The following NGLY1 variants were observed in gnomAD, a reference collection of about 807,000 sequenced individuals.
NGLY1 encodes N-glycanase 1.
A neutral mutation model predicts 84.6 loss-of-function variants in NGLY1; 68 were observed. The ratio of observed to expected loss-of-function variants is 0.80; its 90% CI spans 0.66 to 0.98. The LOEUF (loss-of-function observed/expected upper bound fraction) is 0.98. Ranked by LOEUF, NGLY1 falls within the 50% of genes least tolerant of loss-of-function variation. NGLY1 has a pLI of 0.00. For synonymous variants in NGLY1, 280 were observed against 275.2 expected (o/e 1.02, Z -0.17); for missense variants, 779 against 770.2 (o/e 1.01, Z -0.14).
At chr3:25,725,658 G>A (rs1488471491) in intron 10 of NGLY1, among the ~76,000 whole-genome samples, 1 of 152,124 alleles carries the variant, frequency 6.6e-6, no homozygotes, top group East Asian at 1.9e-4. Flanking sequence ...AGCTGGTTCT[G>A]CTGCAGAATT....
At chr3:25,780,262 C>T (rs2968177) in intron 1 of NGLY1, among the ~76,000 whole-genome samples, 99,743 of 152,208 alleles carry the variant, frequency 0.66, 38,782 homozygotes, top group East Asian at 0.94. Context: ...TCCTTGTGCA[C>T]TGCAGAACAT....
At chr3:25,760,567 A>T (rs1210629558) in intron 3 of NGLY1, among the ~76,000 whole-genome samples, 1 of 152,208 alleles carries the variant, frequency 6.6e-6, no homozygotes, top group Non-Finnish European at 1.5e-5. Flanking sequence ...TCTCTTACAA[A>T]GCTAGCACAC....
rs1228001844 is a variant in NGLY1, at chr3:25,735,022, C to A, written c.1149+982G>T. The A allele has an allele frequency of 9.8e-5, 26 of 264,240 alleles. 1 individual carries two copies. The Admixed American group carries it at 1.7e-3, about 17-fold the overall frequency. 16.4% of individuals were successfully genotyped at this position (264,240 alleles called of 1,614,324 possible). Reference sequence around the variant, plus strand: ...AAATGGTGCTAGAACAATTCATTATCCATATGTAAAAAAAAACTTCATACA... The same window carrying A: ...AAATGGTGCTAGAACAATTCATTATACATATGTAAAAAAAAACTTCATACA... On this transcript the variant is annotated intron_variant, in intron 7 of 11. Coordinates refer to ENST00000280700, the MANE Select transcript of NGLY1 (RefSeq NM_018297.4).
intron 1 of NGLY1, among the ~76,000 whole-genome samples, chr3:25,781,124 ATTTT>A (rs1575669134): frequency 6.6e-6 from 1 of 151,800 alleles, no homozygotes; most frequent in Non-Finnish European, 1.5e-5. Context: ...TAATTTTTTA[ATTTT>A]TTTGTAGAGA....
chr3:25,728,397 A>G (rs11925832), intron 10 of NGLY1, among the ~76,000 whole-genome samples: 5,753 of 152,182 alleles, frequency 0.038, 367 homozygotes, highest in African/African-American at 0.13. Context: ...TTAACTTTAA[A>G]AGCTTCCTAT....
intron 3 of NGLY1, chr3:25,755,699 GA>G: frequency 7.3e-7 from 1 of 1,368,810 alleles, no homozygotes; most frequent in Non-Finnish European, 1.0e-6. Context: ...GTCTAGTCTA[GA>G]TGCATTTCAA....
chr3:25,783,744 C>T (rs1708536988), upstream of NGLY1, among the ~76,000 whole-genome samples: 1 of 151,988 alleles, frequency 6.6e-6, no homozygotes, highest in Non-Finnish European at 1.5e-5. This position sits in a 1 kb window ranked among gnomAD's most constrained non-coding sequence, Gnocchi z 4.5. Flanking sequence ...CGAGGTGCTT[C>T]GACCCAGAGT....
intron 4 of NGLY1, chr3:25,749,802 C>T (rs1252066524): frequency 7.8e-7 from 1 of 1,284,856 alleles, no homozygotes; most frequent in African/African-American, 1.4e-5. Context: ...AATGTTTCCT[C>T]CAAGAACTGC....
chr3:25,778,608 G>C lies in NGLY1; in HGVS notation c.212C>G (p.Ala71Gly). 6.2e-7 allele frequency: 1 copy of C among 1,610,774 alleles called. No homozygotes were observed. Among genetic ancestry groups the C allele is most frequent in the Non-Finnish European group, 8.5e-7 (1 of 1,178,188 alleles). ...GCCCATTTCAAATAAACATTCAACA[G>C]CTCCTCTGACAGGCAAGAGTCTAGT... ...FSTRLLPVRG[A>G]VECLFEMGFE... is the part of the protein sequence containing the mutation. Residue 71 changes from alanine (A) to glycine (G), a missense_variant, in exon 2 of 12, where the codon GCT becomes GGT. Transcript: ENST00000280700.
chr3:25,786,390 C>A (rs565494861), upstream of NGLY1, among the ~76,000 whole-genome samples: 13 of 149,452 alleles, frequency 8.7e-5, no homozygotes, highest in East Asian at 2.5e-3. Flanking sequence ...AAGGTGAAAT[C>A]CTGGGGAAAA....
intron 4 of NGLY1, chr3:25,749,766 A>C (rs754780879): frequency 1.3e-5 from 19 of 1,442,264 alleles, no homozygotes; most frequent in Non-Finnish European, 1.8e-5. Flanking sequence ...ATGTGCAACA[A>C]AACTTACTGT....
intron 9 of NGLY1, chr3:25,730,266 A>C (rs1705476148): frequency 1.3e-5 from 2 of 152,122 alleles, no homozygotes; most frequent in Admixed American, 6.6e-5. Context: ...ATTGATTGCA[A>C]GATTAATTCC....
intron 3 of NGLY1, among the ~76,000 whole-genome samples, chr3:25,757,338 A>G (rs1459842881): frequency 2.0e-5 from 3 of 152,216 alleles, no homozygotes; most frequent in African/African-American, 4.8e-5. Flanking sequence ...TCCATCATTC[A>G]CCAACTGTGT....
chr3:25,749,872 G>A lies in NGLY1; in HGVS notation c.658+1226C>T. ...TCAGAGTCACCAACCCCAATGCCAG[G>A]CTGCACAGCGAAGAAAATGAGTAGA... On this transcript the variant is annotated intron_variant, in intron 4 of 11. Transcript: ENST00000280700. 7 of 893,366 alleles carry A rather than the reference G, an allele frequency of 7.8e-6. No homozygotes were observed. In the South Asian group the frequency reaches 9.2e-5, roughly 12 times the overall value. 55.3% of individuals were successfully genotyped at this position (893,366 alleles called of 1,614,324 possible). A position where few individuals can be genotyped will look rare whatever the true frequency, so the allele number is the denominator to read the frequency against.
chr3:25,779,173 G>A (rs1307960823), intron 1 of NGLY1, among the ~76,000 whole-genome samples: 1 of 151,980 alleles, frequency 6.6e-6, no homozygotes, highest in Admixed American at 6.5e-5. Context: ...TCGACCTCAG[G>A]TGATCCACCC....
intron 2 of NGLY1, among the ~76,000 whole-genome samples, chr3:25,770,170 GAC>G (rs1354284556): frequency 6.6e-6 from 1 of 151,826 alleles, no homozygotes; most frequent in Non-Finnish European, 1.5e-5. Context: ...TTTTGTTTGA[GAC>G]AGAGTTTTGC....
upstream of NGLY1, among the ~76,000 whole-genome samples, chr3:25,786,815 G>A (rs114888443): frequency 0.016 from 2,469 of 152,202 alleles, 70 homozygotes; most frequent in African/African-American, 0.057. Flanking sequence ...ATTGGTTTTC[G>A]CAAAAGTCAT....
chr3:25,771,845 T>A (rs539646984), intron 2 of NGLY1, among the ~76,000 whole-genome samples: 2 of 152,336 alleles, frequency 1.3e-5, no homozygotes, highest in Non-Finnish European at 2.9e-5. Flanking sequence ...GCTGTTGGTG[T>A]AGAAATAGTG....
At chr3:25,739,063 G>A (rs1057420020) in intron 5 of NGLY1, among the ~76,000 whole-genome samples, 1 of 152,182 alleles carries the variant, frequency 6.6e-6, no homozygotes, top group Non-Finnish European at 1.5e-5. Flanking sequence ...GCTGATTATT[G>A]TGAGAGTGAA....
Sources: allele counts gnomAD v4.1 joint callset (sites outside exome capture counted in the v4.1 genomes callset), GRCh38; gene constraint gnomAD v4.1.1; non-coding constraint Gnocchi (gnomAD v3.1); transcripts MANE v1.5; gene names NCBI Gene and HGNC (gene_info 2026-07-23, HGNC 2026-07-21).